CREBZF: variants seen among roughly 807,000 people sequenced by gnomAD.
The protein encoded by CREBZF is CREB/ATF bZIP transcription factor.
A neutral mutation model predicts 21.1 loss-of-function variants in CREBZF; 8 were observed. The ratio of observed to expected loss-of-function variants is 0.38; its 90% confidence interval spans 0.22 to 0.68. The LOEUF (loss-of-function observed/expected upper bound fraction) is 0.68, where lower values mean the gene tolerates loss of function less well. CREBZF is among the 30% of genes least tolerant of loss of function. CREBZF has a pLI of 0.51. For synonymous variants in CREBZF, 270 were observed against 223.3 expected (o/e 1.21, Z -1.86); for missense variants, 518 against 484.3 (o/e 1.07, Z -0.65).
intron 1 of CREBZF, among the ~76,000 whole-genome samples, chr11:85,671,878 G>T (rs898011918): frequency 1.3e-5 from 2 of 152,340 alleles, no homozygotes; most frequent in South Asian, 4.1e-4. Context: ...CCATTCTGGG[G>T]TCTGGAGGAT....
chr11:85,671,787 A>G (rs1365566049), intron 1 of CREBZF, among the ~76,000 whole-genome samples: 2 of 152,200 alleles, frequency 1.3e-5, no homozygotes, highest in African/African-American at 4.8e-5. Context: ...TGCAGGGTCC[A>G]GGCCCCCTCC....
rs1035248200 is a variant in CREBZF, at chr11:85,665,090, ACT to A, written c.-217_-216del. ...AACGAAGCGGTGAGGCCCTGCGATG[ACT>A]CGACCGCGCCACCCAGACAACGGCG... On this transcript the variant is annotated 5_prime_UTR_variant, in exon 1 of 1. Transcript: ENST00000527447. 1 of 421,414 alleles carries A rather than the reference ACT, an allele frequency of 2.4e-6. No individual in the cohort carries two copies. The highest frequency in any genetic ancestry group is 2.1e-5 in the African/African-American group (1 of 48,576). 26.1% of individuals were successfully genotyped at this position (421,414 alleles called of 1,614,324 possible).
chr11:85,667,618 G>C (rs1378710027), upstream of CREBZF, among the ~76,000 whole-genome samples: 1 of 151,862 alleles, frequency 6.6e-6, no homozygotes, highest in African/African-American at 2.4e-5. Flanking sequence ...CATTTACTAG[G>C]GGTGGAGTTG....
upstream of CREBZF, chr11:85,665,156 C>G (rs1252482382): frequency 2.6e-6 from 1 of 391,876 alleles, no homozygotes; most frequent in East Asian, 3.9e-5. Context: ...GTCCCGCCCA[C>G]CGCGTTTCGC....
chr11:85,670,477 G>A (rs2153328706), intron 1 of CREBZF, among the ~76,000 whole-genome samples: 1 of 151,192 alleles, frequency 6.6e-6, no homozygotes, highest in East Asian at 2.0e-4. Flanking sequence ...CTAATTTTTT[G>A]TAAATTAGTA....
Position 85,678,780 on chromosome 11 carries a change from C to A in CREBZF, n.147+3937G>T, listed in dbSNP as rs929801091. Among the ~76,000 whole-genome samples, 4 of 152,312 alleles carry A rather than the reference C, an allele frequency of 2.6e-5. No homozygotes were observed. The East Asian group carries it at 5.8e-4, about 22-fold the overall frequency. On this transcript the variant is annotated intron_variant and non_coding_transcript_variant, in intron 1 of 3. Transcript: ENST00000531515. The stretch of plus-strand genomic sequence containing the variant: ...TTTTAGCTTTCTGGGTACCTCTTCA[C>A]CCACTAAGACCTAATTTAAGGTCAC...
At chr11:85,665,215 G>A, upstream of CREBZF, 1 of 308,818 alleles carries the variant, frequency 3.2e-6, no homozygotes, top group South Asian at 1.5e-4. Context: ...TTTAGAGTGG[G>A]AATAATTCCA....
intron 1 of CREBZF, among the ~76,000 whole-genome samples, chr11:85,679,625 G>A (rs290180): frequency 0.33 from 49,948 of 152,056 alleles, 8,815 homozygotes; most frequent in South Asian, 0.43. Flanking sequence ...ATACAGACAC[G>A]TGAAAATCCA....
chr11:85,669,780 C>T (rs1363597136), upstream of CREBZF, among the ~76,000 whole-genome samples: 3 of 152,000 alleles, frequency 2.0e-5, no homozygotes, highest in African/African-American at 7.2e-5. Flanking sequence ...CTATTTACAA[C>T]TGAATTAACT....
upstream of CREBZF, chr11:85,665,210 A>C (rs1027758066): frequency 3.8e-5 from 12 of 319,230 alleles, no homozygotes; most frequent in African/African-American, 6.4e-5. Context: ...GGTGCTTTAG[A>C]GTGGGAATAA....
chr11:85,672,267 GC>G (rs2082916766), intron 1 of CREBZF, among the ~76,000 whole-genome samples: 1 of 152,228 alleles, frequency 6.6e-6, no homozygotes, highest in Non-Finnish European at 1.5e-5. Flanking sequence ...CCTGGGCCCT[GC>G]CCATGAAACC....
At chr11:85,668,417 G>C (rs1289816866), upstream of CREBZF, among the ~76,000 whole-genome samples, 1 of 152,050 alleles carries the variant, frequency 6.6e-6, no homozygotes, top group Admixed American at 6.5e-5. Flanking sequence ...TACTATGTAG[G>C]ACAGCTATTT....
In CREBZF at chr11:85,659,225, CAT is replaced by C. The variant is rs1321040420; in HGVS notation, c.*4584_*4585del. ...TACTACCAATTAAACTTTCAAGAGTCATCAGATTATTTAGCTTTAAAATTTTA... is the reference window on the plus strand; with the variant it reads ...TACTACCAATTAAACTTTCAAGAGTCCAGATTATTTAGCTTTAAAATTTTA... On this transcript the variant is annotated 3_prime_UTR_variant, in exon 1 of 1. Coordinates refer to ENST00000527447, the MANE Select transcript of CREBZF (RefSeq NM_001039618.4). 2.0e-5 allele frequency among the ~76,000 whole-genome samples: 3 copies of C among 152,004 alleles called. No individual in the cohort carries two copies. The highest frequency in any genetic ancestry group is 7.2e-5 in the African/African-American group (3 of 41,420).
In CREBZF at chr11:85,664,790, C is replaced by G. The variant is rs753723421; in HGVS notation, c.86G>C (p.Cys29Ser). The change falls in exon 1 of 1, where the codon TGT (cysteine) becomes TCT (serine). Residue 29 changes from cysteine to serine, a missense_variant. Physicochemically the swap from Cys to Ser is moderately radical, Grantham distance 112 (BLOSUM62 -1). Transcript: ENST00000527447. The surrounding 1 kb of genome is among the most constrained non-coding windows in gnomAD (Gnocchi z 5.5). ...CCGGGTCAGGTCAGAGGGCAGCGAACAAGTTGCAGCCGGCTCCGGGCTCTC... is the reference window on the plus strand; with the variant it reads ...CCGGGTCAGGTCAGAGGGCAGCGAAGAAGTTGCAGCCGGCTCCGGGCTCTC... ...RSESPEPAAT[C>S]SLPSDLTRAA... is the part of the protein sequence containing the mutation. 60 of 1,580,768 alleles carry G rather than the reference C, an allele frequency of 3.8e-5. No individual in the cohort carries two copies. In the East Asian group the frequency reaches 1.3e-3, roughly 34 times the overall value.
Position 85,664,899 on chromosome 11 carries a change from A to G in CREBZF, c.-24T>C. ...ATGAGGGCCAGCGGCGGGCCGCGGT[A>G]GGCCCCGGCCGCTAAGAGTGGGCCT... On this transcript the variant is annotated 5_prime_UTR_variant, in exon 1 of 1. Transcript: ENST00000527447. The surrounding 1 kb of genome is among the most constrained non-coding windows in gnomAD (Gnocchi z 5.5). 2 of 1,437,356 alleles carry G rather than the reference A, an allele frequency of 1.4e-6. No homozygotes were observed. Among genetic ancestry groups the G allele is most frequent in the East Asian group, 2.6e-5 (1 of 38,358 alleles). 89.0% of individuals were successfully genotyped at this position (1,437,356 alleles called of 1,614,324 possible). A position where few individuals can be genotyped will look rare whatever the true frequency, so the allele number is the denominator to read the frequency against.
chr11:85,660,293 A>G lies in CREBZF; in HGVS notation c.*3518T>C. 5.6e-6 allele frequency: 1 copy of G among 178,396 alleles called. No homozygotes were observed. Among genetic ancestry groups the G allele is most frequent in the Non-Finnish European group, 1.2e-5 (1 of 83,648 alleles). 11.1% of individuals were successfully genotyped at this position (178,396 alleles called of 1,614,324 possible). ...AATTCTCCAAAGGTTACAATTTTGT[A>G]AAGATATGCAATAACTGAGTATCAC... On this transcript the variant is annotated 3_prime_UTR_variant, in exon 1 of 1. Coordinates refer to ENST00000527447, the MANE Select transcript of CREBZF (RefSeq NM_001039618.4).
At position 85,664,595 on chromosome 11, in the gene CREBZF, T is replaced by A; in HGVS notation, c.281A>T (p.Glu94Val). The A allele has an allele frequency of 6.2e-7, 1 of 1,613,504 alleles. No homozygotes were observed. The highest frequency in any genetic ancestry group is 8.5e-7 in the Non-Finnish European group (1 of 1,179,828). ...CAGAAAGTCCATATCCTCCGTCTCT[T>A]CCCCCGGGAGGCTGGCGATCGCCTC... The part of the protein sequence containing the change: ...EEEAIASLPG[E>V]ETEDMDFLSG... Residue 94 changes from glutamate (E) to valine (V), a missense_variant, in exon 1 of 1, where the codon GAA (glutamate) becomes GTA (valine). Transcript: ENST00000527447. The surrounding 1 kb of genome is among the most constrained non-coding windows in gnomAD (Gnocchi z 5.5).
chr11:85,660,300 T>C lies in CREBZF; in HGVS notation c.*3511A>G, dbSNP rs2082637386. On this transcript the variant is annotated 3_prime_UTR_variant, in exon 1 of 1. Transcript: ENST00000527447. Reference sequence around the variant, plus strand: ...CAAAGGTTACAATTTTGTAAAGATATGCAATAACTGAGTATCACTCCCATG... The same window carrying C: ...CAAAGGTTACAATTTTGTAAAGATACGCAATAACTGAGTATCACTCCCATG... 2 of 184,286 alleles carry C rather than the reference T, an allele frequency of 1.1e-5. No individual in the cohort carries two copies. Among genetic ancestry groups the C allele is most frequent in the East Asian group, 1.7e-4 (1 of 5,946 alleles). 11.4% of individuals were successfully genotyped at this position (184,286 alleles called of 1,614,324 possible). A position where few individuals can be genotyped will look rare whatever the true frequency, so the allele number is the denominator to read the frequency against.
Position 85,658,839 on chromosome 11 carries a change from G to C in CREBZF, c.*4972C>G, listed in dbSNP as rs537881781. ...TAAAATTCAAATCAGTGTATTAACA[G>C]AACTACACAAATGTTTACAACACAG... On this transcript the variant is annotated 3_prime_UTR_variant, in exon 1 of 1. Transcript: ENST00000527447. Among the ~76,000 whole-genome samples the C allele has an allele frequency of 6.6e-6, 1 of 152,112 alleles. No individual in the cohort carries two copies. The highest frequency in any genetic ancestry group is 1.9e-4 in the East Asian group (1 of 5,190).
Sources: allele counts gnomAD v4.1 joint callset (sites outside exome capture counted in the v4.1 genomes callset), GRCh38; gene constraint gnomAD v4.1.1; non-coding constraint Gnocchi (gnomAD v3.1); transcripts MANE v1.5; gene names NCBI Gene and HGNC (gene_info 2026-07-23, HGNC 2026-07-21).